Variants in MEX3D observed in about 807,000 individuals in gnomAD.
MEX3D encodes mex-3 RNA binding family member D.
In MEX3D, 4 loss-of-function variants were observed where a neutral mutation model predicts 6.3. That is an observed-to-expected ratio of 0.64 (90% CI 0.31 to 1.46). The LOEUF is 1.46. Among genes scored for constraint, MEX3D ranks in the 40% most tolerant of loss-of-function variants. The pLI, the probability that MEX3D is intolerant of heterozygous loss-of-function variation, is 0.07. For synonymous variants in MEX3D, 626 were observed against 494.1 expected (o/e 1.27, Z -3.54); for missense variants, 1,038 against 994.4 (o/e 1.04, Z -0.59).
chr19:1,561,106 C>T (rs956734738), intron 1 of MEX3D, among the ~76,000 whole-genome samples: 14 of 152,226 alleles, frequency 9.2e-5, no homozygotes, highest in Non-Finnish European at 1.0e-4. Context: ...CCCACACCCC[C>T]AACCCACAGC....
rs778121628 is a variant in MEX3D at position 1,556,113 on chromosome 19, G to A, written c.1406C>T (p.Ala469Val). 2.1e-6 allele frequency: 3 copies of A among 1,455,420 alleles called. No individual in the cohort carries two copies. Among genetic ancestry groups the A allele is most frequent in the South Asian group, 1.3e-5 (1 of 79,964 alleles). The allele number at this position is 1,455,420 out of a possible 1,614,324, so 90.2% of individuals were successfully genotyped here. A position where few individuals can be genotyped will look rare whatever the true frequency, so the allele number is the denominator to read the frequency against. ...CTCAAAAGGCGCCCAGATGGTGGCC[G>A]CGGCGGGCACGGTCAGGTCCAGCGC... ...FLALDLTVPA[A>V]ATIWAPFERA... Residue 469 changes from alanine to valine, a missense_variant, in exon 2 of 2, where the codon GCG becomes GTG. Physicochemically the swap from Ala to Val is moderately conservative, Grantham distance 64 (BLOSUM62 0). Transcript: ENST00000402693. This position sits in a 1 kb window ranked among gnomAD's most constrained non-coding sequence, Gnocchi z 7.5.
chr19:1,561,322 C>T (rs998566294), intron 1 of MEX3D, among the ~76,000 whole-genome samples: 1 of 152,182 alleles, frequency 6.6e-6, no homozygotes, highest in Non-Finnish European at 1.5e-5. Context: ...CAGGGAGCCG[C>T]TGAGGCAACA....
chr19:1,555,459 C>A lies in MEX3D; in HGVS notation c.*104G>T. 1 of 1,480,730 alleles carries A rather than the reference C, an allele frequency of 6.8e-7. No homozygotes were observed. The allele number at this position is 1,480,730 out of a possible 1,614,324, so 91.7% of individuals were successfully genotyped here. A position where few individuals can be genotyped will look rare whatever the true frequency, so the allele number is the denominator to read the frequency against. Reference sequence around the variant, plus strand: ...CACCCCCCTGCCCCCTCGGCCTCCGCCCCTCGCCCCCTCCCCGTCCCTCTC... The same window carrying A: ...CACCCCCCTGCCCCCTCGGCCTCCGACCCTCGCCCCCTCCCCGTCCCTCTC... On this transcript the variant is annotated 3_prime_UTR_variant, in exon 2 of 2. Coordinates refer to ENST00000402693, the MANE Select transcript of MEX3D (RefSeq NM_203304.4).
In MEX3D at chr19:1,555,436, C is replaced by CA; in HGVS notation, c.*126_*127insT. 1 of 1,381,752 alleles carries CA rather than the reference C, an allele frequency of 7.2e-7. No individual in the cohort carries two copies. Among genetic ancestry groups the CA allele is most frequent in the Non-Finnish European group, 9.4e-7 (1 of 1,059,936 alleles). The allele number at this position is 1,381,752 out of a possible 1,614,324, so 85.6% of individuals were successfully genotyped here. Reference sequence around the variant, plus strand: ...ATCTGTAAACACTGGCCGCCGCCCACCCCCCTGCCCCCTCGGCCTCCGCCC... The same window carrying CA: ...ATCTGTAAACACTGGCCGCCGCCCACACCCCCTGCCCCCTCGGCCTCCGCCC... On this transcript the variant is annotated 3_prime_UTR_variant, in exon 2 of 2. Transcript: ENST00000402693.
Position 1,556,756 on chromosome 19 carries a change from T to G in MEX3D, c.763A>C (p.Ser255Arg). 1 of 1,612,334 alleles carries G rather than the reference T, an allele frequency of 6.2e-7. No individual in the cohort carries two copies. Among genetic ancestry groups the G allele is most frequent in the Non-Finnish European group, 8.5e-7 (1 of 1,179,674 alleles). ...GCGCCGGGCAGACCCCCGGCCTTGC[T>G]GCGCGTGGCGCGGATGATGGAGAAG... ...EHFSIIRATR[S>R]KAGGLPGAAQ... Residue 255 changes from serine (S) to arginine (R), a missense_variant, in exon 2 of 2, where the codon AGC becomes CGC. Ser to Arg is a moderately radical substitution (Grantham distance 110). Around this residue, in one of 5 missense-constraint regions of MEX3D, gnomAD observed 52 missense variants for 37.4 expected, o/e 1.39. Coordinates refer to ENST00000402693, the MANE Select transcript of MEX3D (RefSeq NM_203304.4). The surrounding 1 kb of genome is among the most constrained non-coding windows in gnomAD (Gnocchi z 7.5).
chr19:1,564,344 C>A (rs1003385415), intron 1 of MEX3D, among the ~76,000 whole-genome samples: 1 of 151,830 alleles, frequency 6.6e-6, no homozygotes, highest in African/African-American at 2.4e-5. Flanking sequence ...ACCAGCCTGG[C>A]CAACATGGCG....
chr19:1,562,202 A>C (rs1343763016), intron 1 of MEX3D, among the ~76,000 whole-genome samples: 4 of 149,660 alleles, frequency 2.7e-5, no homozygotes, highest in Non-Finnish European at 5.9e-5. Flanking sequence ...TGGAGGTTGC[A>C]GTGAGCTGAG....
Position 1,567,140 on chromosome 19 carries a change from G to T in MEX3D, c.595+324C>A, listed in dbSNP as rs1372104717. Among the ~76,000 whole-genome samples, 1 of 152,032 alleles carries T rather than the reference G, an allele frequency of 6.6e-6. No homozygotes were observed. Among genetic ancestry groups the T allele is most frequent in the Non-Finnish European group, 1.5e-5 (1 of 67,964 alleles). ...CCCGGCCGGAGCCCCGGGCCCTCGA[G>T]CCCCTCTCTGGGGTGCCCCTGCGGG... On this transcript the variant is annotated intron_variant, in intron 1 of 1. Coordinates refer to ENST00000402693, the MANE Select transcript of MEX3D (RefSeq NM_203304.4). This position sits in a 1 kb window ranked among gnomAD's most constrained non-coding sequence, Gnocchi z 6.5.
In MEX3D at chr19:1,556,312, CGGG is replaced by C. The variant is rs1568264062; in HGVS notation, c.1204_1206del (p.Pro402del). 1.2e-5 allele frequency: 16 copies of C among 1,320,166 alleles called. No individual in the cohort carries two copies. The highest frequency in any genetic ancestry group is 1.5e-5 in the Non-Finnish European group (16 of 1,039,952). The allele number at this position is 1,320,166 out of a possible 1,614,324, so 81.8% of individuals were successfully genotyped here. ...CCGCGGCTGCCCGCGTAGAAGGCCT[CGGG>C]GGCGCTGGGGGCGCCCAGGGCCGTG... On this transcript the variant is annotated inframe_deletion, in exon 2 of 2. Coordinates refer to ENST00000402693, the MANE Select transcript of MEX3D (RefSeq NM_203304.4). The surrounding 1 kb of genome is among the most constrained non-coding windows in gnomAD (Gnocchi z 7.5).
In MEX3D at chr19:1,556,136, C is replaced by A. The variant is rs1247520894; in HGVS notation, c.1383G>T (p.Ala461=). ...CDFGFDFDFL[A]LDLTVPAAAT... ...CCGCGGCGGGCACGGTCAGGTCCAG[C>A]GCCAGGAAGTCGAAGTCGAAGCCGA... The change falls in exon 2 of 2, where the codon GCG becomes GCT. Residue 461 remains alanine, a synonymous_variant. Transcript: ENST00000402693. This position sits in a 1 kb window ranked among gnomAD's most constrained non-coding sequence, Gnocchi z 7.5. 3.4e-6 allele frequency: 5 copies of A among 1,472,448 alleles called. No individual in the cohort carries two copies. Among genetic ancestry groups the A allele is most frequent in the Admixed American group, 2.1e-5 (1 of 47,408 alleles). 91.2% of individuals were successfully genotyped at this position (1,472,448 alleles called of 1,614,324 possible).
Position 1,555,743 on chromosome 19 carries a change from C to G in MEX3D, c.1776G>C (p.Ser592=). ...ENSRKPPSAS[S]APALARECVV... ...CGCACTCTCGCGCCAGGGCCGGGGC[C>G]GAGGACGCCGAAGGGGGCTTGCGGC... Residue 592 remains serine, a synonymous_variant, in exon 2 of 2, where the codon TCG becomes TCC. Transcript: ENST00000402693. 3 of 1,509,330 alleles carry G rather than the reference C, an allele frequency of 2.0e-6. No homozygotes were observed. The highest frequency in any genetic ancestry group is 2.6e-6 in the Non-Finnish European group (3 of 1,135,772). 93.5% of individuals were successfully genotyped at this position (1,509,330 alleles called of 1,614,324 possible).
intron 1 of MEX3D, 127 bp from the exon 2 acceptor site, chr19:1,557,050 T>C (rs1190578247): frequency 3.5e-6 from 4 of 1,154,664 alleles, no homozygotes; most frequent in Non-Finnish European, 3.6e-6. Flanking sequence ...AACAACACTT[T>C]ATCCTCAGAC....
At chr19:1,563,010 C>T (rs1158547042) in intron 1 of MEX3D, among the ~76,000 whole-genome samples, 8 of 152,160 alleles carry the variant, frequency 5.3e-5, no homozygotes, top group Admixed American at 5.2e-4. Context: ...AAGAGCAAGA[C>T]CCTGTCTCAA....
chr19:1,557,847 C>CAAAGCCTT (rs1914613712), intron 1 of MEX3D, among the ~76,000 whole-genome samples: 1 of 94,866 alleles, frequency 1.1e-5, no homozygotes, highest in Non-Finnish European at 1.9e-5. Flanking sequence ...GGTGACAGAG[C>CAAAGCCTT]GAGACTGTCT....
chr19:1,557,193 G>A (rs2145569513), intron 1 of MEX3D, among the ~76,000 whole-genome samples: 1 of 152,360 alleles, frequency 6.6e-6, no homozygotes, highest in East Asian at 1.9e-4. Context: ...TGGAACCGCA[G>A]TGTGACGGCT....
intron 1 of MEX3D, among the ~76,000 whole-genome samples, chr19:1,563,930 C>G (rs1464415423): frequency 6.6e-6 from 1 of 151,728 alleles, no homozygotes; most frequent in South Asian, 2.1e-4. Flanking sequence ...GCCTCAGCCT[C>G]CAGAGTAGCT....
At chr19:1,560,574 T>G (rs1599325548) in intron 1 of MEX3D, among the ~76,000 whole-genome samples, 1 of 152,006 alleles carries the variant, frequency 6.6e-6, no homozygotes, top group Middle Eastern at 3.4e-3. Context: ...CTGGTCTGGG[T>G]GAGATGACAA....
intron 1 of MEX3D, among the ~76,000 whole-genome samples, chr19:1,565,544 A>T (rs1006925252): frequency 6.6e-6 from 1 of 152,162 alleles, no homozygotes; most frequent in South Asian, 2.1e-4. Flanking sequence ...TCCGTCTCAT[A>T]AATAAATAAA....
In MEX3D at chr19:1,568,291, G is replaced by A. The variant is rs1599331174; in HGVS notation, c.-233C>T. On this transcript the variant is annotated 5_prime_UTR_variant, in exon 1 of 2. Transcript: ENST00000402693. ...GCGGCTCGGCGGCGGCGGCGACGGC[G>A]GCGGCGGCTCCTCGGCGGCCGAGGC... Among the ~76,000 whole-genome samples the A allele has an allele frequency of 7.0e-6, 1 of 142,162 alleles. No homozygotes were observed. Among genetic ancestry groups the A allele is most frequent in the Non-Finnish European group, 1.6e-5 (1 of 64,270 alleles). The allele number at this position is 142,162 out of a possible 152,430, so 93.3% of individuals were successfully genotyped here. A position where few individuals can be genotyped will look rare whatever the true frequency, so the allele number is the denominator to read the frequency against.
Sources: allele counts gnomAD v4.1 joint callset (sites outside exome capture counted in the v4.1 genomes callset), GRCh38; gene constraint gnomAD v4.1.1; regional missense constraint gnomAD v4.1.1; non-coding constraint Gnocchi (gnomAD v3.1); transcripts MANE v1.5; gene names NCBI Gene and HGNC (gene_info 2026-07-23, HGNC 2026-07-21).